Variants in USP25 observed in about 807,000 individuals in gnomAD.
USP25 encodes the protein ubiquitin specific peptidase 25.
USP25 carries 85 observed loss-of-function variants against 158.5 expected under a neutral mutation model. The observed-to-expected ratio is 0.54, with a 90% confidence interval of 0.45 to 0.64. The LOEUF is 0.64. Among genes scored for constraint, USP25 ranks in the 30% least tolerant of loss-of-function variants. The probability of loss-of-function intolerance (pLI) is 0.00; values close to 1 mark genes in which losing one functional copy is unlikely to be tolerated. For missense variants in USP25, 1,242 were observed against 1,327.3 expected (o/e 0.94, Z 1.00); for synonymous variants, 464 against 460.4 (o/e 1.01, Z -0.10).
chr21:15,742,861 G>C (rs1028751222), intron 1 of USP25, among the ~76,000 whole-genome samples: 1 of 152,168 alleles, frequency 6.6e-6, no homozygotes. Flanking sequence ...CAGATCCCAC[G>C]ACCACTGCCA....
chr21:15,757,564 G>A (rs572254244), intron 1 of USP25, among the ~76,000 whole-genome samples: 1 of 152,272 alleles, frequency 6.6e-6, no homozygotes, highest in South Asian at 2.1e-4. Flanking sequence ...AAACCCAGTG[G>A]CATACCAAAA....
chr21:15,820,492 T>C (rs1410737313), intron 10 of USP25, among the ~76,000 whole-genome samples: 3 of 151,950 alleles, frequency 2.0e-5, no homozygotes, highest in Admixed American at 6.6e-5. Context: ...GTTCTCTATT[T>C]TAGCAGTTTC....
At chr21:15,790,668 G>C (rs1176223220) in intron 4 of USP25, among the ~76,000 whole-genome samples, 2 of 61,534 alleles carry the variant, frequency 3.3e-5, no homozygotes, top group Non-Finnish European at 6.7e-5. Flanking sequence ...TTTTTTTTTT[G>C]GCTGAAGCCA....
At chr21:15,851,503 T>TACACACAC (rs10595077) in intron 20 of USP25, among the ~76,000 whole-genome samples, 1 of 147,686 alleles carries the variant, frequency 6.8e-6, no homozygotes, top group Non-Finnish European at 1.5e-5. Context: ...CTATCCCCCA[T>TACACACAC]ACACACACAC....
intron 20 of USP25, among the ~76,000 whole-genome samples, chr21:15,852,267 T>G (rs75476139): frequency 6.6e-6 from 1 of 152,034 alleles, no homozygotes; most frequent in South Asian, 2.1e-4. Context: ...CTTTTTTTTT[T>G]CTGCTGGAAA....
At chr21:15,744,692 G>A (rs942671727) in intron 1 of USP25, among the ~76,000 whole-genome samples, 1 of 152,028 alleles carries the variant, frequency 6.6e-6, no homozygotes, top group Non-Finnish European at 1.5e-5. Context: ...AGGTTCAAGC[G>A]ATTCTCCTGC....
At position 15,827,765 on chromosome 21, in the gene USP25, CGTGTGTGTGTGT is replaced by C. The variant is rs34923569; in HGVS notation, c.1693+591_1693+602del. Reference sequence around the variant, plus strand: ...GGGTGTGTGCACTTGTGTGCGTGTGCGTGTGTGTGTGTGTGTGTGTGTGTGTGTGTGTGTGTG... The same window carrying C: ...GGGTGTGTGCACTTGTGTGCGTGTGCGTGTGTGTGTGTGTGTGTGTGTGTG... On this transcript the variant is annotated intron_variant, in intron 14 of 25. Transcript: ENST00000400183. Among the ~76,000 whole-genome samples the C allele has an allele frequency of 9.1e-3, 1,242 of 136,910 alleles. 28 individuals are homozygous for C. The East Asian group carries it at 0.11, about 12-fold the overall frequency. The allele number at this position is 136,910 out of a possible 152,430, so 89.8% of individuals were successfully genotyped here. A position where few individuals can be genotyped will look rare whatever the true frequency, so the allele number is the denominator to read the frequency against.
chr21:15,856,896 T>C (rs1243062836), intron 20 of USP25, among the ~76,000 whole-genome samples: 1 of 152,210 alleles, frequency 6.6e-6, no homozygotes, highest in Non-Finnish European at 1.5e-5. Flanking sequence ...TCAAAATTTA[T>C]TTAAATATTC....
rs1261841620 is a variant in USP25, at chr21:15,750,571, A to G, written c.46-12320A>G. ...TAAGTGTTCAGTAAATAGTAGTTCTATGATAATGCTCAGCGTATATGGTTA... is the reference window on the plus strand; with the variant it reads ...TAAGTGTTCAGTAAATAGTAGTTCTGTGATAATGCTCAGCGTATATGGTTA... On this transcript the variant is annotated intron_variant, in intron 1 of 25. Transcript: ENST00000400183. Among the ~76,000 whole-genome samples, 6 of 151,562 alleles carry G rather than the reference A, an allele frequency of 4.0e-5. 1 individual carries two copies. In the East Asian group the frequency reaches 9.8e-4, roughly 25 times the overall value.
At chr21:15,865,460 A>T (rs140181641) in intron 21 of USP25, among the ~76,000 whole-genome samples, 364 of 152,296 alleles carry the variant, frequency 2.4e-3, no homozygotes, top group African/African-American at 8.3e-3. Context: ...CATAATACAA[A>T]TAAATAGTTG....
intron 3 of USP25, among the ~76,000 whole-genome samples, chr21:15,769,265 C>T (rs2823477): frequency 0.16 from 24,023 of 151,832 alleles, 4,037 homozygotes; most frequent in African/African-American, 0.42. Context: ...TTTTGGTGTA[C>T]TTTTTACCTT....
intron 3 of USP25, among the ~76,000 whole-genome samples, chr21:15,768,186 T>G (rs1377282867): frequency 6.6e-6 from 1 of 152,114 alleles, no homozygotes. Flanking sequence ...CTTGCTGTTG[T>G]GGTTTCTTTA....
chr21:15,779,755 T>C (rs987052709), intron 4 of USP25, among the ~76,000 whole-genome samples: 8 of 152,110 alleles, frequency 5.3e-5, no homozygotes, highest in African/African-American at 1.9e-4. Flanking sequence ...CATTTTAATA[T>C]AATTTAAAAA....
chr21:15,762,142 A>ACCAGCATGGCAC (rs1555827614), intron 1 of USP25, among the ~76,000 whole-genome samples: 10 of 151,300 alleles, frequency 6.6e-5, no homozygotes, highest in South Asian at 2.1e-4. Context: ...AAAAGATTTC[A>ACCAGCATGGCAC]ATAGATCCTA....
chr21:15,818,803 T>C lies in USP25; in HGVS notation c.1037T>C (p.Ile346Thr). Residue 346 changes from isoleucine to threonine, a missense_variant, in exon 10 of 26, where the codon ATT (isoleucine) becomes ACT (threonine). Ile to Thr is a moderately conservative substitution (Grantham distance 89). This residue lies in a region of USP25 where 627 missense variants were observed against 701.4 expected (regional missense o/e 0.89). Transcript: ENST00000400183. ...CLEAAMIEGE[I>T]ESLHSENSGK... Reference sequence around the variant, plus strand: ...GAAGCTGCAATGATTGAAGGAGAAATTGAGTCTTTACATTCAGAGAATTCA... The same window carrying C: ...GAAGCTGCAATGATTGAAGGAGAAACTGAGTCTTTACATTCAGAGAATTCA... 1 of 1,613,848 alleles carries C rather than the reference T, an allele frequency of 6.2e-7. No individual in the cohort carries two copies. Among genetic ancestry groups the C allele is most frequent in the South Asian group, 1.1e-5 (1 of 91,070 alleles).
At chr21:15,838,700 G>T (rs2146426092) in intron 17 of USP25, among the ~76,000 whole-genome samples, 1 of 152,230 alleles carries the variant, frequency 6.6e-6, no homozygotes, top group South Asian at 2.1e-4. Context: ...TCTTCAGTGT[G>T]AACGTAATAA....
intron 24 of USP25, among the ~76,000 whole-genome samples, 181 bp downstream of exon 24, chr21:15,874,707 T>A (rs904913591): frequency 6.6e-6 from 1 of 152,210 alleles, no homozygotes; most frequent in Non-Finnish European, 1.5e-5. Flanking sequence ...TCTTTTCTCT[T>A]TATGAATCCC....
At chr21:15,764,160 T>C (rs2123414442) in intron 2 of USP25, among the ~76,000 whole-genome samples, 1 of 152,276 alleles carries the variant, frequency 6.6e-6, no homozygotes, top group South Asian at 2.1e-4. Flanking sequence ...TCAATTTTTA[T>C]GATTATGACG....
rs1261394544 is a variant in USP25 at position 15,804,970 on chromosome 21, T to C, written c.643-151T>C. 3 of 787,704 alleles carry C rather than the reference T, an allele frequency of 3.8e-6. No individual in the cohort carries two copies. The African/African-American group carries it at 5.5e-5, about 14-fold the overall frequency. The allele number at this position is 787,704 out of a possible 1,614,324, so 48.8% of individuals were successfully genotyped here. On this transcript the variant is annotated intron_variant, in intron 6 of 25. Coordinates refer to ENST00000400183, the MANE Select transcript of USP25 (RefSeq NM_001283041.3). ...AGTCTCTTAGATGGCACCAACACTCTACTTTCTTCAATTATGATAGAGTGC... is the reference window on the plus strand; with the variant it reads ...AGTCTCTTAGATGGCACCAACACTCCACTTTCTTCAATTATGATAGAGTGC...
Sources: gnomAD v4.1 joint callset for allele counts (sites outside exome capture counted in the v4.1 genomes callset) on GRCh38, gnomAD v4.1.1 for gene constraint, gnomAD v4.1.1 regional missense constraint, MANE v1.5 for transcripts, NCBI Gene and HGNC (gene_info 2026-07-23, HGNC 2026-07-21) for gene names.